The following IPO11 variants were observed in gnomAD, a reference collection of about 807,000 sequenced individuals.
IPO11 encodes the protein importin 11.
IPO11 carries 66 observed loss-of-function variants against 143.2 expected under a neutral mutation model. That is an observed-to-expected ratio of 0.46 (90% CI 0.38 to 0.57). The LOEUF is 0.57. Ranked by LOEUF, IPO11 falls within the 20% of genes least tolerant of loss-of-function variation. IPO11 has a pLI of 0.00. For synonymous variants in IPO11, 385 were observed against 377.8 expected, an observed-to-expected ratio of 1.02 and a Z score of -0.22; for missense variants, 1,026 against 1,141.0, an observed-to-expected ratio of 0.90 and a Z score of 1.45.
chr5:62,510,415 T>C (rs74570036), intron 19 of IPO11, among the ~76,000 whole-genome samples: 5,942 of 152,332 alleles, frequency 0.039, 186 homozygotes, highest in Non-Finnish European at 0.057. Context: ...TATCCACATA[T>C]ACAGATTGTT....
chr5:62,582,432 A>C (rs898474654), intron 27 of IPO11, among the ~76,000 whole-genome samples: 1 of 152,172 alleles, frequency 6.6e-6, no homozygotes, highest in African/African-American at 2.4e-5. Flanking sequence ...GGGAAAGAAA[A>C]GGGGTGGGGC....
rs1399324184 is a variant in IPO11 at position 62,506,367 on chromosome 5, T to C, written c.1782+10T>C. On this transcript the variant is annotated intron_variant, in intron 19 of 29. Transcript: ENST00000325324. ...AAGAGTCAACATGCAGGTAATTATA[T>C]TGTAAAACATGAAAATAAATGAGGG... is the stretch of plus-strand genomic sequence containing the variant. 2 of 1,478,326 alleles carry C rather than the reference T, an allele frequency of 1.4e-6. No individual in the cohort carries two copies. Among genetic ancestry groups the C allele is most frequent in the East Asian group, 2.3e-5 (1 of 44,134 alleles). The allele number at this position is 1,478,326 out of a possible 1,614,324, so 91.6% of individuals were successfully genotyped here.
At chr5:62,586,765 AAAAAT>A (rs796548934) in intron 27 of IPO11, among the ~76,000 whole-genome samples, 401 of 89,852 alleles carry the variant, frequency 4.5e-3, no homozygotes, top group East Asian at 0.023. Flanking sequence ...AAAAAAAAAA[AAAAAT>A]ATATATATAT....
chr5:62,457,473 C>T (rs1465855879), intron 5 of IPO11, among the ~76,000 whole-genome samples: 1 of 152,034 alleles, frequency 6.6e-6, no homozygotes, highest in East Asian at 1.9e-4. Context: ...GACCATGTGT[C>T]TAAAACATAA....
At chr5:62,612,637 G>T (rs1234004578) in intron 29 of IPO11, among the ~76,000 whole-genome samples, 2 of 152,132 alleles carry the variant, frequency 1.3e-5, no homozygotes, top group African/African-American at 4.8e-5. Context: ...ATATTAACAT[G>T]TAATGGATTT....
intron 24 of IPO11, among the ~76,000 whole-genome samples, chr5:62,545,026 G>GGT (rs1743112136): frequency 6.6e-6 from 1 of 152,080 alleles, no homozygotes; most frequent in Non-Finnish European, 1.5e-5. Context: ...TACTATCCAA[G>GGT]GTAATTTATA....
chr5:62,584,426 C>T (rs1744685621), intron 27 of IPO11, among the ~76,000 whole-genome samples: 1 of 151,776 alleles, frequency 6.6e-6, no homozygotes, highest in Non-Finnish European at 1.5e-5. Flanking sequence ...GGTGAAACCC[C>T]ATCTCTACCA....
At chr5:62,448,605 C>T (rs1183276290) in intron 3 of IPO11, among the ~76,000 whole-genome samples, 1 of 152,156 alleles carries the variant, frequency 6.6e-6, no homozygotes, top group African/African-American at 2.4e-5. Flanking sequence ...GGCTGGAATG[C>T]AGTGGCACAA....
At chr5:62,496,159 G>T (rs924001028) in intron 16 of IPO11, among the ~76,000 whole-genome samples, 3 of 152,008 alleles carry the variant, frequency 2.0e-5, no homozygotes, top group Non-Finnish European at 4.4e-5. Flanking sequence ...ATGGTGGCAT[G>T]CGCCTGTAGT....
intron 28 of IPO11, among the ~76,000 whole-genome samples, chr5:62,596,096 TA>T (rs34184081): frequency 0.68 from 95,970 of 140,472 alleles, 32,626 homozygotes; most frequent in African/African-American, 0.76. Context: ...CTGTCTCTAT[TA>T]AAAAAAAAAA....
intron 9 of IPO11, among the ~76,000 whole-genome samples, chr5:62,479,930 G>A (rs1223556166): frequency 6.6e-6 from 1 of 152,142 alleles, no homozygotes; most frequent in Non-Finnish European, 1.5e-5. Flanking sequence ...CTGTACAGAA[G>A]CTCTTTAGTT....
At chr5:62,504,765 AT>A (rs1194995318) in intron 17 of IPO11, 65 bp downstream of exon 17, 5 of 1,342,620 alleles carry the variant, frequency 3.7e-6, no homozygotes, top group Non-Finnish European at 5.1e-6. Context: ...ATTATTATTT[AT>A]TTTGTGAAAT....
At chr5:62,482,023 T>C (rs1746231085) in intron 9 of IPO11, among the ~76,000 whole-genome samples, 1 of 152,096 alleles carries the variant, frequency 6.6e-6, no homozygotes, top group African/African-American at 2.4e-5. Context: ...CTTGGGAGGG[T>C]GTATGTGTCC....
intron 29 of IPO11, among the ~76,000 whole-genome samples, chr5:62,611,246 G>A (rs556389833): frequency 1.5e-3 from 232 of 152,236 alleles, no homozygotes; most frequent in Non-Finnish European, 2.8e-3. Context: ...GTGCAGAGTT[G>A]AAAGTGACAT....
intron 20 of IPO11, among the ~76,000 whole-genome samples, chr5:62,519,120 A>G (rs937590211): frequency 3.3e-4 from 50 of 152,218 alleles, no homozygotes; most frequent in African/African-American, 1.2e-3. Flanking sequence ...GTGTTGTTAA[A>G]TAAAACAAGA....
chr5:62,598,876 AAGTC>A (rs772716086), intron 28 of IPO11, among the ~76,000 whole-genome samples: 26 of 151,892 alleles, frequency 1.7e-4, no homozygotes, highest in Non-Finnish European at 3.2e-4. Context: ...GCCTAGCTGA[AAGTC>A]AGTTACATAG....
rs373032028 is a variant in IPO11 at position 62,515,510 on chromosome 5, C to G, written c.1896+9C>G. ...TTATTCATCTTGTTCAGGTAAGTCA[C>G]TTCTCCACAGAGTTTTTTTAGTTTA... On this transcript the variant is annotated intron_variant, in intron 20 of 29. Coordinates refer to ENST00000325324, the MANE Select transcript of IPO11 (RefSeq NM_016338.5). 3.2e-6 allele frequency: 5 copies of G among 1,545,418 alleles called. No homozygotes were observed. In the Admixed American group the frequency reaches 5.9e-5, roughly 18 times the overall value.
intron 29 of IPO11, among the ~76,000 whole-genome samples, chr5:62,625,563 A>C (rs1034983954): frequency 6.6e-6 from 1 of 152,208 alleles, no homozygotes; most frequent in Non-Finnish European, 1.5e-5. Context: ...TAACTATTTC[A>C]ATGGAAATAC....
intron 29 of IPO11, among the ~76,000 whole-genome samples, chr5:62,624,552 G>A (rs1561392714): frequency 6.6e-6 from 1 of 152,154 alleles, no homozygotes; most frequent in East Asian, 1.9e-4. Context: ...CTTCTTTACC[G>A]CAACCTATCT....
Sources: allele counts gnomAD v4.1 joint callset (sites outside exome capture counted in the v4.1 genomes callset), GRCh38; gene constraint gnomAD v4.1.1; transcripts MANE v1.5; gene names NCBI Gene and HGNC (gene_info 2026-07-23, HGNC 2026-07-21).